The following DAB1 variants were observed in gnomAD, a reference collection of about 807,000 sequenced individuals.
DAB1 encodes the protein DAB adaptor protein 1.
A neutral mutation model predicts 64.6 loss-of-function variants in DAB1; 15 were observed. That is an observed-to-expected ratio of 0.23 (90% CI 0.16 to 0.36). The LOEUF is 0.36. DAB1 is among the 10% of genes least tolerant of loss of function. The pLI is 1.00. For missense variants in DAB1, 596 were observed against 706.7 expected, an observed-to-expected ratio of 0.84 and a Z score of 1.78; for synonymous variants, 235 against 251.9, an observed-to-expected ratio of 0.93 and a Z score of 0.64.
At chr1:57,924,669 A>G (rs1371830907) in intron 5 of DAB1, among the ~76,000 whole-genome samples, 1 of 130,648 alleles carries the variant, frequency 7.7e-6, no homozygotes, top group African/African-American at 2.9e-5. Context: ...GGGTTTTACT[A>G]TGTTGGCCAG....
intron 4 of DAB1, among the ~76,000 whole-genome samples, chr1:58,189,069 C>A (rs190734789): frequency 6.6e-6 from 1 of 152,180 alleles, no homozygotes; most frequent in African/African-American, 2.4e-5. Context: ...TTGCACCCCC[C>A]ACCCAGCATT....
chr1:58,064,206 C>A (rs1648691786), intron 5 of DAB1, among the ~76,000 whole-genome samples: 1 of 152,154 alleles, frequency 6.6e-6, no homozygotes, highest in African/African-American at 2.4e-5. Context: ...AGCTGATGTA[C>A]AAACTATTTG....
chr1:57,090,181 C>G (rs472811), intron 4 of DAB1, among the ~76,000 whole-genome samples: 1 of 152,010 alleles, frequency 6.6e-6, no homozygotes, highest in African/African-American at 2.4e-5. Context: ...TGAAGCTTAT[C>G]AAAGAGATGT....
chr1:57,447,440 C>A (rs1686183570), intron 7 of DAB1, among the ~76,000 whole-genome samples: 1 of 152,232 alleles, frequency 6.6e-6, no homozygotes, highest in South Asian at 2.1e-4. Context: ...TGTGTGGCTA[C>A]TGCCCACATG....
intron 5 of DAB1, among the ~76,000 whole-genome samples, chr1:57,929,782 A>G (rs1237630127): frequency 1.3e-5 from 2 of 152,186 alleles, no homozygotes; most frequent in Admixed American, 6.6e-5. Flanking sequence ...ACACCCTGAC[A>G]TTATAACAAC....
intron 7 of DAB1, among the ~76,000 whole-genome samples, chr1:57,472,583 C>T (rs530940687): frequency 8.6e-4 from 131 of 152,220 alleles, no homozygotes; most frequent in African/African-American, 3.0e-3. Context: ...TGTTTTGTTC[C>T]GATCTAATTA....
intron 5 of DAB1, among the ~76,000 whole-genome samples, chr1:58,146,503 A>AT (rs1654602655): frequency 6.6e-6 from 1 of 151,780 alleles, no homozygotes; most frequent in Non-Finnish European, 1.5e-5. Flanking sequence ...ACATCTCTCC[A>AT]TTTTCTCCCC....
intron 5 of DAB1, among the ~76,000 whole-genome samples, chr1:58,138,406 A>G (rs1654069912): frequency 6.6e-6 from 1 of 152,220 alleles, no homozygotes; most frequent in African/African-American, 2.4e-5. Context: ...GTCTCACAAA[A>G]TAAAATTTCA....
In DAB1 at chr1:58,311,544, T is replaced by C. The variant is rs546339254; in HGVS notation, n.309+31808A>G. On this transcript the variant is annotated intron_variant and non_coding_transcript_variant, in intron 4 of 20. Transcript: ENST00000485760. ...CCAAAGACTGAGCATGATGGGGATA[T>C]AGGGCCTGGCCATTTCTACCCAGTG... is the stretch of plus-strand genomic sequence containing the variant. Among the ~76,000 whole-genome samples the C allele has an allele frequency of 5.3e-5, 8 of 152,278 alleles. No homozygotes were observed. The South Asian group carries it at 1.5e-3, about 28-fold the overall frequency.
intron 7 of DAB1, among the ~76,000 whole-genome samples, chr1:57,435,053 T>C (rs1685645046): frequency 1.4e-5 from 2 of 143,034 alleles, no homozygotes; most frequent in South Asian, 2.3e-4. Context: ...TTTCTTTTTT[T>C]TTTTTTTTTT....
intron 2 of DAB1, among the ~76,000 whole-genome samples, chr1:57,186,546 C>T (rs1663581145): frequency 6.6e-6 from 1 of 152,154 alleles, no homozygotes; most frequent in Non-Finnish European, 1.5e-5. Context: ...AAGGCACAGG[C>T]CTTGATTAAA....
chr1:57,779,969 A>G (rs1408141), intron 6 of DAB1, among the ~76,000 whole-genome samples: 1 of 151,932 alleles, frequency 6.6e-6, no homozygotes, highest in African/African-American at 2.4e-5. Flanking sequence ...CCTTGCTTAC[A>G]AATGACTAAT....
At chr1:57,010,917 G>A (rs1646247096) in intron 13 of DAB1, 127 bp from the exon 14 acceptor site, 6 of 851,860 alleles carry the variant, frequency 7.0e-6, no homozygotes, top group African/African-American at 3.4e-5. Context: ...GCATTTAGAG[G>A]ATGCTACACC....
chr1:58,337,285 G>GAA (rs11322441), intron 4 of DAB1, among the ~76,000 whole-genome samples: 2 of 67,186 alleles, frequency 3.0e-5, no homozygotes, highest in Non-Finnish European at 7.1e-5. Context: ...CTGTCTCAAA[G>GAA]AAAAAAAAAA....
At chr1:58,288,870 G>A (rs921903376) in intron 4 of DAB1, among the ~76,000 whole-genome samples, 1 of 152,098 alleles carries the variant, frequency 6.6e-6, no homozygotes, top group African/African-American at 2.4e-5. Flanking sequence ...TATGTGTGCT[G>A]GTCATATTTC....
intron 3 of DAB1, among the ~76,000 whole-genome samples, chr1:57,138,884 G>A (rs1658350903): frequency 6.6e-6 from 1 of 152,124 alleles, no homozygotes; most frequent in Admixed American, 6.5e-5. Context: ...TTGCCTAATA[G>A]AACAAAAGTT....
intron 6 of DAB1, among the ~76,000 whole-genome samples, chr1:57,707,354 CT>C (rs71051249): frequency 2.1e-3 from 291 of 141,706 alleles, no homozygotes; most frequent in Admixed American, 2.4e-3. Context: ...AAATAAGAAA[CT>C]TTTTTTTTTT....
chr1:57,306,653 G>T (rs1047792605), intron 1 of DAB1, among the ~76,000 whole-genome samples: 2 of 151,094 alleles, frequency 1.3e-5, no homozygotes, highest in African/African-American at 4.9e-5. Flanking sequence ...ATTCATTTCT[G>T]CTTGCCAAGT....
At chr1:57,577,067 G>A (rs1485981359) in intron 7 of DAB1, among the ~76,000 whole-genome samples, 1 of 152,196 alleles carries the variant, frequency 6.6e-6, no homozygotes, top group Non-Finnish European at 1.5e-5. Flanking sequence ...CACAATAATT[G>A]TCTGCATACA....
Sources: allele counts gnomAD v4.1 joint callset (sites outside exome capture counted in the v4.1 genomes callset), GRCh38; gene constraint gnomAD v4.1.1; transcripts MANE v1.5; gene names NCBI Gene and HGNC (gene_info 2026-07-23, HGNC 2026-07-21).